The following NRXN1 variants were observed in gnomAD, a reference collection of about 807,000 sequenced individuals.
NRXN1 encodes neurexin 1, also known as neurexin-1.
NRXN1 carries 39 observed loss-of-function variants against 150.9 expected under a neutral mutation model. The ratio of observed to expected loss-of-function variants is 0.26; its 90% CI spans 0.20 to 0.34. NRXN1 has a LOEUF of 0.34. Ranked by LOEUF, NRXN1 falls within the 10% of genes least tolerant of loss-of-function variation. The pLI is 1.00. For missense variants in NRXN1, 1,815 were observed against 1,949.9 expected, an observed-to-expected ratio of 0.93 and a Z score of 1.30; for synonymous variants, 924 against 757.0, an observed-to-expected ratio of 1.22 and a Z score of -3.62.
intron 8 of NRXN1, among the ~76,000 whole-genome samples, chr2:50,604,797 A>G (rs1012778387): frequency 6.6e-6 from 1 of 152,222 alleles, no homozygotes; most frequent in East Asian, 1.9e-4. Context: ...CAATGAATCT[A>G]CACAAAGGTT....
At chr2:50,824,704 G>T (rs896511239) in intron 5 of NRXN1, among the ~76,000 whole-genome samples, 6 of 151,914 alleles carry the variant, frequency 3.9e-5, no homozygotes, top group Non-Finnish European at 8.8e-5. Flanking sequence ...GTGAATCTAG[G>T]GCCCAGAAAA....
intron 5 of NRXN1, among the ~76,000 whole-genome samples, chr2:50,727,113 A>T (rs2105169488): frequency 6.6e-6 from 1 of 152,244 alleles, no homozygotes; most frequent in East Asian, 1.9e-4. Flanking sequence ...AGGTCTTAAA[A>T]AAAATCTATG....
chr2:50,044,339 G>A (rs559736033), intron 21 of NRXN1, among the ~76,000 whole-genome samples: 80 of 152,282 alleles, frequency 5.3e-4, no homozygotes, highest in African/African-American at 1.8e-3. Context: ...CTAGAAGGGA[G>A]CTAAGGGGGC....
intron 17 of NRXN1, among the ~76,000 whole-genome samples, chr2:50,460,046 C>T (rs1306344262): frequency 1.3e-5 from 2 of 152,048 alleles, no homozygotes; most frequent in African/African-American, 4.8e-5. Context: ...TAACTAAAAC[C>T]ATTGTCTTTC....
At chr2:50,578,082 C>T (rs1435713767) in intron 8 of NRXN1, among the ~76,000 whole-genome samples, 1 of 152,128 alleles carries the variant, frequency 6.6e-6, no homozygotes, top group African/African-American at 2.4e-5. Flanking sequence ...CAATTTGGTA[C>T]TGCTCATTCC....
At chr2:50,270,245 A>G (rs2152922183) in intron 17 of NRXN1, among the ~76,000 whole-genome samples, 1 of 152,296 alleles carries the variant, frequency 6.6e-6, no homozygotes, top group Non-Finnish European at 1.5e-5. Flanking sequence ...TTGTATTACT[A>G]AAATTCAACC....
At chr2:50,836,856 A>C (rs1284300958) in intron 5 of NRXN1, among the ~76,000 whole-genome samples, 11 of 151,222 alleles carry the variant, frequency 7.3e-5, no homozygotes, top group Non-Finnish European at 1.3e-4. Flanking sequence ...AAAAAAAAAA[A>C]CAGAAGAACA....
intron 5 of NRXN1, among the ~76,000 whole-genome samples, chr2:50,745,862 G>A (rs1326555416): frequency 9.2e-5 from 14 of 152,182 alleles, no homozygotes; most frequent in Middle Eastern, 3.4e-3. Flanking sequence ...TTCATCACAC[G>A]TGGGGATTAT....
At chr2:50,135,132 T>A (rs549511664) in intron 18 of NRXN1, among the ~76,000 whole-genome samples, 1 of 152,348 alleles carries the variant, frequency 6.6e-6, no homozygotes, top group Non-Finnish European at 1.5e-5. Context: ...AAAAGCATGC[T>A]TACTGTTACT....
intron 5 of NRXN1, among the ~76,000 whole-genome samples, chr2:50,797,244 CT>C (rs1471318519): frequency 6.6e-6 from 1 of 152,020 alleles, no homozygotes; most frequent in South Asian, 2.1e-4. Flanking sequence ...AGGCTACAGA[CT>C]TTTTTCCTCT....
intron 17 of NRXN1, among the ~76,000 whole-genome samples, chr2:50,460,727 A>T (rs1262351707): frequency 6.6e-6 from 1 of 152,024 alleles, no homozygotes; most frequent in African/African-American, 2.4e-5. Context: ...AAATATTTTA[A>T]TCCTTTATCA....
rs1053057738 is a variant in NRXN1 at position 50,902,397 on chromosome 2, A to G, written c.832+19472T>C. On this transcript the variant is annotated intron_variant, in intron 5 of 22. Transcript: ENST00000401669. Reference sequence around the variant, plus strand: ...TTTCTCGGGAACTGAAAAAAAAAAGAGGTCATAAATATTAATGTACTAGAT... The same window carrying G: ...TTTCTCGGGAACTGAAAAAAAAAAGGGGTCATAAATATTAATGTACTAGAT... Among the ~76,000 whole-genome samples the G allele has an allele frequency of 4.7e-4, 71 of 152,098 alleles. 1 individual carries two copies. The highest frequency in any genetic ancestry group is 9.1e-4 in the Non-Finnish European group (62 of 68,012).
intron 21 of NRXN1, among the ~76,000 whole-genome samples, chr2:50,043,754 T>C (rs1691378966): frequency 2.6e-5 from 4 of 152,206 alleles, no homozygotes; most frequent in Admixed American, 2.6e-4. Context: ...TTAAGGAAGA[T>C]CTTATAACAG....
intron 5 of NRXN1, among the ~76,000 whole-genome samples, chr2:50,828,901 G>A (rs914990608): frequency 6.6e-6 from 1 of 152,178 alleles, no homozygotes; most frequent in Non-Finnish European, 1.5e-5. Flanking sequence ...AGGTTGTAGC[G>A]AGCCAAGATC....
At chr2:49,941,593 AT>A (rs1279244484) in intron 22 of NRXN1, among the ~76,000 whole-genome samples, 1 of 152,134 alleles carries the variant, frequency 6.6e-6, no homozygotes, top group African/African-American at 2.4e-5. Flanking sequence ...CAAGGTAAGG[AT>A]TCTGCAACAA....
chr2:50,096,709 A>C (rs559895963), intron 18 of NRXN1, among the ~76,000 whole-genome samples: 1 of 152,350 alleles, frequency 6.6e-6, no homozygotes, highest in Non-Finnish European at 1.5e-5. Context: ...CATTAAATAA[A>C]CAGTGACAAT....
chr2:51,017,956 T>A (rs1344652261), intron 2 of NRXN1, among the ~76,000 whole-genome samples: 1 of 152,116 alleles, frequency 6.6e-6, no homozygotes, highest in Non-Finnish European at 1.5e-5. Flanking sequence ...TGCTTAATTA[T>A]AGAGGAACAC....
chr2:50,388,942 A>T (rs1017331277), intron 17 of NRXN1, among the ~76,000 whole-genome samples: 1 of 152,080 alleles, frequency 6.6e-6, no homozygotes, highest in Non-Finnish European at 1.5e-5. Flanking sequence ...AAAAGAAAAC[A>T]CATCTTGTGG....
intron 5 of NRXN1, among the ~76,000 whole-genome samples, chr2:50,902,593 C>G (rs2103971963): frequency 6.6e-6 from 1 of 152,246 alleles, no homozygotes; most frequent in South Asian, 2.1e-4. Context: ...ATCTCCTGAT[C>G]TTCTAAGATA....
Sources: allele counts gnomAD v4.1 joint callset (sites outside exome capture counted in the v4.1 genomes callset), GRCh38; gene constraint gnomAD v4.1.1; transcripts MANE v1.5; gene names NCBI Gene and HGNC (gene_info 2026-07-23, HGNC 2026-07-21).